The following IMMP2L variants were observed in gnomAD, a reference collection of about 807,000 sequenced individuals.
IMMP2L encodes the protein mitochondrial inner membrane protease subunit 2.
Under a neutral mutation model 19.3 loss-of-function variants are expected in IMMP2L, and 18 were observed. The ratio of observed to expected loss-of-function variants is 0.93; its 90% CI spans 0.64 to 1.38. The LOEUF is 1.38. Among genes scored for constraint, IMMP2L ranks in the 40% most tolerant of loss-of-function variants. The probability of loss-of-function intolerance (pLI) is 0.00; values close to 1 mark genes in which losing one functional copy is unlikely to be tolerated. For missense variants in IMMP2L, 233 were observed against 218.2 expected, an observed-to-expected ratio of 1.07 and a Z score of -0.43; for synonymous variants, 76 against 73.0, an observed-to-expected ratio of 1.04 and a Z score of -0.21.
chr7:110,768,625 T>A (rs1239347354), intron 5 of IMMP2L, among the ~76,000 whole-genome samples: 1 of 152,210 alleles, frequency 6.6e-6, no homozygotes, highest in Non-Finnish European at 1.5e-5. Context: ...GCTTGGAATA[T>A]CTTCAATGCC....
Position 111,273,369 on chromosome 7 carries a change from G to A in IMMP2L, c.239+213869C>T, listed in dbSNP as rs1004325300. 3.9e-5 allele frequency among the ~76,000 whole-genome samples: 6 copies of A among 152,080 alleles called. No individual in the cohort carries two copies. The East Asian group carries it at 7.7e-4, about 20-fold the overall frequency. On this transcript the variant is annotated intron_variant, in intron 3 of 5. Coordinates refer to ENST00000405709, the MANE Select transcript of IMMP2L (RefSeq NM_032549.4). ...AAGCAGTGGAAATTTTGGGCTGCAC[G>A]AGAAAGACAGGGATCAGATCATGGG...
At chr7:110,729,301 T>C (rs1345439095) in intron 5 of IMMP2L, among the ~76,000 whole-genome samples, 1 of 152,206 alleles carries the variant, frequency 6.6e-6, no homozygotes, top group African/African-American at 2.4e-5. Context: ...AAGAAACTTA[T>C]AATCCTGGTG....
chr7:111,073,192 G>A (rs1454993840), intron 3 of IMMP2L, among the ~76,000 whole-genome samples: 2 of 151,948 alleles, frequency 1.3e-5, no homozygotes, highest in Non-Finnish European at 2.9e-5. Context: ...CAAAAATGAT[G>A]GTCATAAAAA....
At chr7:111,398,116 T>C (rs999187839) in intron 3 of IMMP2L, among the ~76,000 whole-genome samples, 2 of 152,242 alleles carry the variant, frequency 1.3e-5, no homozygotes, top group East Asian at 1.9e-4. Context: ...ATAAACACTT[T>C]TCGGATTAAT....
intron 3 of IMMP2L, among the ~76,000 whole-genome samples, chr7:110,975,487 C>A (rs1204043044): frequency 6.6e-6 from 1 of 152,136 alleles, no homozygotes; most frequent in Non-Finnish European, 1.5e-5. Context: ...CTCCACCTTT[C>A]TTTAAGTGCT....
intron 3 of IMMP2L, among the ~76,000 whole-genome samples, chr7:111,230,820 G>A (rs368912380): frequency 2.6e-5 from 4 of 152,016 alleles, no homozygotes; most frequent in East Asian, 3.9e-4. Context: ...AAGAAAGGAA[G>A]CACAGATATG....
intron 3 of IMMP2L, among the ~76,000 whole-genome samples, chr7:111,424,537 A>C (rs1835890074): frequency 6.6e-6 from 1 of 151,790 alleles, no homozygotes; most frequent in African/African-American, 2.4e-5. Context: ...TAAATATATT[A>C]GGTGACACAT....
chr7:111,529,433 T>C (rs976378656), intron 1 of IMMP2L, among the ~76,000 whole-genome samples: 1 of 152,174 alleles, frequency 6.6e-6, no homozygotes, highest in South Asian at 2.1e-4. Context: ...TTTCACATTA[T>C]AAGTAAACAA....
chr7:110,848,648 A>G (rs1308310836), intron 5 of IMMP2L, among the ~76,000 whole-genome samples: 2 of 152,170 alleles, frequency 1.3e-5, no homozygotes, highest in South Asian at 4.1e-4. Context: ...AAAACTGGGA[A>G]GCAATCAACA....
intron 3 of IMMP2L, among the ~76,000 whole-genome samples, chr7:111,291,714 C>A (rs566742499): frequency 2.6e-5 from 4 of 152,158 alleles, no homozygotes; most frequent in African/African-American, 7.2e-5. Flanking sequence ...AATAATAATG[C>A]ATTGCATATT....
chr7:110,864,316 A>T (rs1179293158), intron 5 of IMMP2L, among the ~76,000 whole-genome samples: 1 of 152,102 alleles, frequency 6.6e-6, no homozygotes, highest in Non-Finnish European at 1.5e-5. Context: ...GTTCAATGAG[A>T]TGACATATCA....
At chr7:110,860,011 G>A (rs1807224743) in intron 5 of IMMP2L, among the ~76,000 whole-genome samples, 1 of 151,992 alleles carries the variant, frequency 6.6e-6, no homozygotes, top group Admixed American at 6.6e-5. Context: ...AGGAATTCAT[G>A]AACCAACCTG....
chr7:111,380,993 T>G (rs1831146528), intron 3 of IMMP2L, among the ~76,000 whole-genome samples: 1 of 151,954 alleles, frequency 6.6e-6, no homozygotes, highest in South Asian at 2.1e-4. Flanking sequence ...AGTGCAAATC[T>G]GAGCACCGTA....
At chr7:111,223,941 C>G (rs953604751) in intron 3 of IMMP2L, among the ~76,000 whole-genome samples, 1 of 152,014 alleles carries the variant, frequency 6.6e-6, no homozygotes, top group Admixed American at 6.6e-5. Flanking sequence ...TAAGAGAAAC[C>G]AGCTACATAG....
At chr7:111,273,388 T>A (rs1163943278) in intron 3 of IMMP2L, among the ~76,000 whole-genome samples, 3 of 151,988 alleles carry the variant, frequency 2.0e-5, no homozygotes, top group African/African-American at 7.2e-5. Context: ...AGGGATCAGA[T>A]CATGGGTAGC....
At chr7:111,201,921 G>T (rs1810182303) in intron 3 of IMMP2L, among the ~76,000 whole-genome samples, 1 of 152,120 alleles carries the variant, frequency 6.6e-6, no homozygotes, top group Non-Finnish European at 1.5e-5. Context: ...CTGGCATCTT[G>T]ATCTTGGACT....
intron 3 of IMMP2L, among the ~76,000 whole-genome samples, chr7:111,129,215 C>A (rs535640545): frequency 6.6e-6 from 1 of 152,112 alleles, no homozygotes; most frequent in South Asian, 2.1e-4. Context: ...GGAAATAATT[C>A]TAATTATATA....
chr7:111,315,747 G>C (rs910752748), intron 3 of IMMP2L, among the ~76,000 whole-genome samples: 10 of 149,878 alleles, frequency 6.7e-5, no homozygotes, highest in Admixed American at 1.3e-4. Context: ...AAAAAAAAAG[G>C]CTTCATTTTT....
At chr7:111,342,728 A>G (rs1054382414) in intron 3 of IMMP2L, among the ~76,000 whole-genome samples, 1 of 152,110 alleles carries the variant, frequency 6.6e-6, no homozygotes, top group Non-Finnish European at 1.5e-5. Flanking sequence ...TCTGTTCATT[A>G]TTCAACGAGC....
Sources: allele counts gnomAD v4.1 joint callset (sites outside exome capture counted in the v4.1 genomes callset), GRCh38; gene constraint gnomAD v4.1.1; transcripts MANE v1.5; gene names NCBI Gene and HGNC (gene_info 2026-07-23, HGNC 2026-07-21).